Variants in PRPF6 observed in about 807,000 individuals in gnomAD.
PRPF6 encodes pre-mRNA-processing factor 6.
A neutral mutation model predicts 118.3 loss-of-function variants in PRPF6; 42 were observed. That is an observed-to-expected ratio of 0.35 (90% confidence interval 0.28 to 0.46). PRPF6 has a LOEUF of 0.46. Ranked by LOEUF, PRPF6 falls within the 20% of genes least tolerant of loss-of-function variation. The pLI, the probability that PRPF6 is intolerant of heterozygous loss-of-function variation, is 1.00. For missense variants in PRPF6, 662 were observed against 1,255.7 expected, an observed-to-expected ratio of 0.53 and a Z score of 7.15; for synonymous variants, 481 against 485.1, an observed-to-expected ratio of 0.99 and a Z score of 0.11.
At chr20:64,014,145 G>T (rs983034275) in intron 11 of PRPF6, among the ~76,000 whole-genome samples, 2 of 151,918 alleles carry the variant, frequency 1.3e-5, no homozygotes, top group African/African-American at 4.8e-5. Context: ...TTGCCATGTT[G>T]TTCAGGCTGG....
intron 12 of PRPF6, among the ~76,000 whole-genome samples, chr20:64,017,718 A>G (rs1021530935): frequency 6.6e-6 from 1 of 152,148 alleles, no homozygotes; most frequent in African/African-American, 2.4e-5. Flanking sequence ...GCTCTCATGC[A>G]CTTACCTCTT....
At chr20:63,995,290 G>A (rs1268971904) in intron 5 of PRPF6, 37 bp from the exon 6 acceptor site, 51 of 1,589,204 alleles carry the variant, frequency 3.2e-5, no homozygotes, top group Non-Finnish European at 4.0e-5. Context: ...AGTGCAAACC[G>A]TTGTTTTATT....
intron 6 of PRPF6, among the ~76,000 whole-genome samples, chr20:63,995,711 C>T (rs1361293203): frequency 6.6e-6 from 1 of 151,090 alleles, no homozygotes; most frequent in Non-Finnish European, 1.5e-5. Context: ...GGCTGGAGTG[C>T]AATGGTGTGA....
chr20:64,014,500 C>G (rs1206245958), intron 11 of PRPF6, among the ~76,000 whole-genome samples: 2 of 151,428 alleles, frequency 1.3e-5, no homozygotes, highest in Non-Finnish European at 2.9e-5. Flanking sequence ...ACTAAAGATA[C>G]AAAAAAATTA....
intron 9 of PRPF6, among the ~76,000 whole-genome samples, chr20:64,006,631 T>C (rs1167499682): frequency 6.6e-6 from 1 of 152,096 alleles, no homozygotes; most frequent in African/African-American, 2.4e-5. Flanking sequence ...TTGGACCAGC[T>C]CTCTTGACAG....
At chr20:64,021,054 T>C (rs1409375879) in intron 12 of PRPF6, among the ~76,000 whole-genome samples, 1 of 152,270 alleles carries the variant, frequency 6.6e-6, no homozygotes, top group Non-Finnish European at 1.5e-5. Context: ...CCCAGGGTGC[T>C]GGAATTACAG....
At chr20:63,985,066 TA>T (rs748900512) in intron 3 of PRPF6, 41 bp downstream of exon 3, 24 of 1,573,778 alleles carry the variant, frequency 1.5e-5, no homozygotes, top group East Asian at 4.5e-5. Flanking sequence ...TATCCAAGTT[TA>T]AAAAAAAGTT....
At chr20:64,002,946 A>ATTT (rs1226018197) in intron 9 of PRPF6, among the ~76,000 whole-genome samples, 2 of 129,826 alleles carry the variant, frequency 1.5e-5, no homozygotes. Context: ...GCCCGGCCAG[A>ATTT]TTTTTTTTTT....
chr20:64,027,097 AGG>A lies in PRPF6; in HGVS notation c.2147_2148del (p.Gly716AlafsTer17). 6.2e-7 allele frequency: 1 copy of A among 1,614,058 alleles called. No homozygotes were observed. The highest frequency in any genetic ancestry group is 8.5e-7 in the Non-Finnish European group (1 of 1,180,016). On this transcript the variant is annotated frameshift_variant, in exon 16 of 21. Transcript: ENST00000266079. LOFTEE classifies it high-confidence loss of function. This position sits in a 1 kb window ranked among gnomAD's most constrained non-coding sequence, Gnocchi z 6.5. ...GACTTCCCCAAGCTGTGGATGATGAAGGGGCAGATCGAGGAGCAGAAGGAGAT... is the reference window on the plus strand; with the variant it reads ...GACTTCCCCAAGCTGTGGATGATGAAGGCAGATCGAGGAGCAGAAGGAGAT...
intron 12 of PRPF6, among the ~76,000 whole-genome samples, chr20:64,020,688 G>A (rs1300541841): frequency 6.6e-6 from 1 of 151,996 alleles, no homozygotes; most frequent in Non-Finnish European, 1.5e-5. Context: ...CTGTAGTTCT[G>A]TTGAGTGGAT....
At position 64,027,779 on chromosome 20, in the gene PRPF6, C is replaced by A; in HGVS notation, c.2339+43C>A. On this transcript the variant is annotated intron_variant, in intron 17 of 20. Coordinates refer to ENST00000266079, the MANE Select transcript of PRPF6 (RefSeq NM_012469.4). This position sits in a 1 kb window ranked among gnomAD's most constrained non-coding sequence, Gnocchi z 6.5. ...CAGCCTGGCCTCTGGGCACAGCTTC[C>A]CCATCAGGTGGGCCGCCGTCACCCA... is the stretch of plus-strand genomic sequence containing the variant. 4 of 1,612,470 alleles carry A rather than the reference C, an allele frequency of 2.5e-6. No individual in the cohort carries two copies. Among genetic ancestry groups the A allele is most frequent in the Non-Finnish European group, 3.4e-6 (4 of 1,179,748 alleles).
At position 64,028,683 on chromosome 20, in the gene PRPF6, C is replaced by A; in HGVS notation, c.2431+114C>A. 8.8e-7 allele frequency: 1 copy of A among 1,138,240 alleles called. No individual in the cohort carries two copies. The allele number at this position is 1,138,240 out of a possible 1,614,324, so 70.5% of individuals were successfully genotyped here. On this transcript the variant is annotated intron_variant, in intron 18 of 20. Transcript: ENST00000266079. This position sits in a 1 kb window ranked among gnomAD's most constrained non-coding sequence, Gnocchi z 6.5. ...CCCAGACTCCGCAGGGCTGGCACTTCCTGAGGGAGTGGGGGCTCAGGCTTC... is the reference window on the plus strand; with the variant it reads ...CCCAGACTCCGCAGGGCTGGCACTTACTGAGGGAGTGGGGGCTCAGGCTTC...
At chr20:63,994,049 C>T (rs935146084) in intron 4 of PRPF6, among the ~76,000 whole-genome samples, 7 of 151,862 alleles carry the variant, frequency 4.6e-5, no homozygotes, top group Non-Finnish European at 1.0e-4. Flanking sequence ...CACGTCTGGC[C>T]CCATTTATAC....
At chr20:64,014,486 C>T (rs548188003) in intron 11 of PRPF6, among the ~76,000 whole-genome samples, 4 of 150,408 alleles carry the variant, frequency 2.7e-5, no homozygotes, top group Non-Finnish European at 4.4e-5. Context: ...AAAACCCTGT[C>T]TCTACTAAAG....
intron 3 of PRPF6, among the ~76,000 whole-genome samples, chr20:63,991,462 C>T (rs563957284): frequency 6.6e-6 from 1 of 152,034 alleles, no homozygotes; most frequent in East Asian, 1.9e-4. Context: ...TGACACGGAC[C>T]CATGAAGAAA....
chr20:63,992,218 T>C (rs1159931915), intron 3 of PRPF6, among the ~76,000 whole-genome samples: 23 of 152,124 alleles, frequency 1.5e-4, no homozygotes, highest in Admixed American at 4.6e-4. Flanking sequence ...CCCAGGTAGC[T>C]GGGGATTACA....
chr20:63,993,244 G>A (rs1428039937), intron 3 of PRPF6, among the ~76,000 whole-genome samples, 163 bp from the exon 4 acceptor site: 12 of 136,888 alleles, frequency 8.8e-5, no homozygotes, highest in African/African-American at 3.4e-4. Flanking sequence ...GTGTGTGTGT[G>A]TGTGTGTGTG....
chr20:64,026,827 T>C lies in PRPF6; in HGVS notation c.2029-155T>C, dbSNP rs1045891447. ...AAAAAAACAAAACAAAACAAAAACA[T>C]ATATTTATCCCCACCTTTTGTGTAC... On this transcript the variant is annotated intron_variant, in intron 15 of 20. Coordinates refer to ENST00000266079, the MANE Select transcript of PRPF6 (RefSeq NM_012469.4). The surrounding 1 kb of genome is among the most constrained non-coding windows in gnomAD (Gnocchi z 4.4). Among the ~76,000 whole-genome samples, 3 of 152,052 alleles carry C rather than the reference T, an allele frequency of 2.0e-5. No individual in the cohort carries two copies. The highest frequency in any genetic ancestry group is 3.4e-3 in the Middle Eastern group (1 of 294).
chr20:64,029,607 C>G lies in PRPF6; in HGVS notation c.2546+116C>G. 2.1e-6 allele frequency: 2 copies of G among 934,400 alleles called. No individual in the cohort carries two copies. Among genetic ancestry groups the G allele is most frequent in the East Asian group, 5.2e-5 (2 of 38,626 alleles). 57.9% of individuals were successfully genotyped at this position (934,400 alleles called of 1,614,324 possible). On this transcript the variant is annotated intron_variant, in intron 19 of 20. Coordinates refer to ENST00000266079, the MANE Select transcript of PRPF6 (RefSeq NM_012469.4). The surrounding 1 kb of genome is among the most constrained non-coding windows in gnomAD (Gnocchi z 4.8). ...GATGCCCGGCAGCAGGGTGGGCTTC[C>G]CCGATCCTCGGCTGCCGTCGCTCCT...
Sources: allele counts gnomAD v4.1 joint callset (sites outside exome capture counted in the v4.1 genomes callset), GRCh38; gene constraint gnomAD v4.1.1; non-coding constraint Gnocchi (gnomAD v3.1); transcripts MANE v1.5; gene names NCBI Gene and HGNC (gene_info 2026-07-23, HGNC 2026-07-21).